The following ZDHHC15 variants were observed in gnomAD, a reference collection of about 807,000 sequenced individuals.
The protein encoded by ZDHHC15 is palmitoyltransferase ZDHHC15.
ZDHHC15 carries 19 observed loss-of-function variants against 31.7 expected under a neutral mutation model. The observed-to-expected ratio is 0.60, with a 90% confidence interval of 0.42 to 0.88. The LOEUF (loss-of-function observed/expected upper bound fraction) is 0.88, where lower values mean the gene tolerates loss of function less well. Among genes scored for constraint, ZDHHC15 ranks in the 40% least tolerant of loss-of-function variants. The probability of loss-of-function intolerance (pLI) is 0.00; values close to 1 mark genes in which losing one functional copy is unlikely to be tolerated. For missense variants in ZDHHC15, 209 were observed against 251.2 expected (o/e 0.83, Z 1.14); for synonymous variants, 103 against 90.0 (o/e 1.14, Z -0.82).
Position 75,478,927 on chromosome X carries a change from C to T in ZDHHC15, c.222G>A (p.Lys74=). ...GCTGCTGTGGGAGTGTAAAGATAGACTTCCAGTAGGTCCAGGTAAAGAACA... is the reference window on the plus strand; with the variant it reads ...GCTGCTGTGGGAGTGTAAAGATAGATTTCCAGTAGGTCCAGGTAAAGAACA... ...IFVFFTWTYW[K]SIFTLPQQPN... The change falls in exon 3 of 12, where the codon AAG becomes AAA. Residue 74 remains lysine, a synonymous_variant. Transcript: ENST00000373367. 8.3e-7 allele frequency: 1 copy of T among 1,206,606 alleles called. No individual in the cohort carries two copies.
chrX:75,517,978 A>C (rs1269201004), intron 1 of ZDHHC15, among the ~76,000 whole-genome samples: 1 of 109,964 alleles, frequency 9.1e-6, no homozygotes, highest in Admixed American at 9.8e-5. Context: ...AACAAAAACA[A>C]AAAAAAACAA....
intron 1 of ZDHHC15, among the ~76,000 whole-genome samples, chrX:75,520,496 T>C (rs1376676700): frequency 1.8e-5 from 2 of 111,777 alleles, no homozygotes; most frequent in East Asian, 2.8e-4. Flanking sequence ...TACATAAGTG[T>C]TAGTCATTAT....
chrX:75,499,137 G>C (rs931487195), intron 2 of ZDHHC15, among the ~76,000 whole-genome samples: 3 of 111,359 alleles, frequency 2.7e-5, no homozygotes, highest in Non-Finnish European at 5.7e-5. Context: ...ATCAACTCAA[G>C]ATGGATCAAA....
At chrX:75,480,161 G>A (rs1461355130) in intron 2 of ZDHHC15, among the ~76,000 whole-genome samples, 1 of 110,891 alleles carries the variant, frequency 9.0e-6, no homozygotes, top group African/African-American at 3.3e-5. Flanking sequence ...AAAAAAAAGA[G>A]ACTCTACTCT....
chrX:75,515,817 T>C (rs1409137330), intron 1 of ZDHHC15, among the ~76,000 whole-genome samples: 1 of 111,846 alleles, frequency 8.9e-6, no homozygotes, highest in Non-Finnish European at 1.9e-5. Context: ...GATGATATGA[T>C]TGTATATTTA....
intron 2 of ZDHHC15, among the ~76,000 whole-genome samples, chrX:75,491,285 T>A (rs1234031118): frequency 2.7e-5 from 3 of 109,670 alleles, no homozygotes; most frequent in Non-Finnish European, 5.7e-5. Context: ...ACCATGGAAT[T>A]CTATGCAGCC....
intron 10 of ZDHHC15, among the ~76,000 whole-genome samples, chrX:75,413,137 A>G (rs2083504410): frequency 8.9e-6 from 1 of 112,493 alleles, no homozygotes; most frequent in South Asian, 3.7e-4. Context: ...TTTACTATGT[A>G]TTTGTATTTC....
intron 3 of ZDHHC15, among the ~76,000 whole-genome samples, chrX:75,478,601 ACTCCTAG>A (rs1174997924): frequency 2.7e-5 from 3 of 110,795 alleles, no homozygotes; most frequent in African/African-American, 3.3e-5. Context: ...TAGGTCTCAA[ACTCCTAG>A]CTTCAAGTGA....
intron 3 of ZDHHC15, among the ~76,000 whole-genome samples, chrX:75,459,438 C>A (rs1488468468): frequency 2.7e-5 from 3 of 111,570 alleles, no homozygotes; most frequent in Non-Finnish European, 5.7e-5. Context: ...TGGCTGCCTT[C>A]TCTGTGATTC....
intron 10 of ZDHHC15, among the ~76,000 whole-genome samples, chrX:75,379,431 A>T (rs2083092170): frequency 8.9e-6 from 1 of 112,392 alleles, no homozygotes; most frequent in Non-Finnish European, 1.9e-5. Context: ...CTGATCTATA[A>T]TACTGGCTGG....
At chrX:75,480,011 G>A (rs1245979958) in intron 2 of ZDHHC15, among the ~76,000 whole-genome samples, 1 of 111,400 alleles carries the variant, frequency 9.0e-6, no homozygotes, top group African/African-American at 3.3e-5. Context: ...TCTCCACAGA[G>A]GTGGTTATAA....
chrX:75,479,916 C>G (rs1052807234), intron 2 of ZDHHC15, among the ~76,000 whole-genome samples: 3 of 111,677 alleles, frequency 2.7e-5, no homozygotes, highest in Non-Finnish European at 5.7e-5. Flanking sequence ...ACTTCTGAGA[C>G]AGTTATAAAA....
At chrX:75,452,400 C>A (rs945510535) in intron 3 of ZDHHC15, among the ~76,000 whole-genome samples, 2 of 110,712 alleles carry the variant, frequency 1.8e-5, no homozygotes, top group African/African-American at 3.3e-5. Context: ...CAAGTCCTAA[C>A]AGACCTAAAA....
intron 3 of ZDHHC15, among the ~76,000 whole-genome samples, chrX:75,454,307 C>T (rs1365540566): frequency 9.0e-6 from 1 of 111,711 alleles, no homozygotes; most frequent in Non-Finnish European, 1.9e-5. Context: ...GAATAAAATA[C>T]CTAGGAATCT....
chrX:75,453,136 A>G (rs916630972), intron 3 of ZDHHC15, among the ~76,000 whole-genome samples: 8 of 111,600 alleles, frequency 7.2e-5, no homozygotes, highest in Non-Finnish European at 1.3e-4. Context: ...ATAGACTGCT[A>G]GACTGCTAGC....
At chrX:75,435,856 T>C (rs139898070) in intron 4 of ZDHHC15, among the ~76,000 whole-genome samples, 2 of 112,279 alleles carry the variant, frequency 1.8e-5, no homozygotes, top group Non-Finnish European at 3.8e-5. Context: ...ATTGGCTTCA[T>C]AGAATAATTT....
chrX:75,411,458 C>T (rs998094132), intron 10 of ZDHHC15, among the ~76,000 whole-genome samples: 4 of 112,479 alleles, frequency 3.6e-5, no homozygotes, highest in African/African-American at 1.3e-4. Flanking sequence ...GTGATCCGCC[C>T]GCCTCGGCCT....
intron 10 of ZDHHC15, among the ~76,000 whole-genome samples, chrX:75,408,350 G>T (rs191161219): frequency 7.6e-4 from 85 of 111,711 alleles, no homozygotes; most frequent in South Asian, 2.6e-3. Flanking sequence ...AAGAAAAAAA[G>T]CACATGATTA....
chrX:75,391,232 C>T (rs1042226893), intron 10 of ZDHHC15, among the ~76,000 whole-genome samples: 1 of 110,898 alleles, frequency 9.0e-6, no homozygotes, highest in Admixed American at 9.6e-5. Context: ...TAGAAAATAG[C>T]CTAAAACTGG....
Sources: gnomAD v4.1 joint callset for allele counts (sites outside exome capture counted in the v4.1 genomes callset) on GRCh38, gnomAD v4.1.1 for gene constraint, MANE v1.5 for transcripts, NCBI Gene and HGNC (gene_info 2026-07-23, HGNC 2026-07-21) for gene names.